KCNMA1: variants seen among roughly 807,000 people sequenced by gnomAD.
KCNMA1 encodes potassium calcium-activated channel subfamily M alpha 1.
In KCNMA1, 29 loss-of-function variants were observed where a neutral mutation model predicts 140.0. The ratio of observed to expected loss-of-function variants is 0.21; its 90% CI spans 0.15 to 0.28. The LOEUF is 0.28. Ranked by LOEUF, KCNMA1 falls within the 10% of genes least tolerant of loss-of-function variation. The probability of loss-of-function intolerance (pLI) is 1.00; values close to 1 mark genes in which losing one functional copy is unlikely to be tolerated. For missense variants in KCNMA1, 880 were observed against 1,602.2 expected, an observed-to-expected ratio of 0.55 and a Z score of 7.70; for synonymous variants, 612 against 611.9, an observed-to-expected ratio of 1.00 and a Z score of 0.00.
At chr10:77,312,814 G>A (rs1284662906) in intron 2 of KCNMA1, among the ~76,000 whole-genome samples, 1 of 152,134 alleles carries the variant, frequency 6.6e-6, no homozygotes, top group Non-Finnish European at 1.5e-5. Flanking sequence ...TGGTGGGGGT[G>A]TACTTGTTTC....
intron 1 of KCNMA1, chr10:77,634,250 T>C: frequency 3.0e-6 from 3 of 985,318 alleles, no homozygotes; most frequent in Non-Finnish European, 3.6e-6. Flanking sequence ...AAAAAAACAA[T>C]AATGTGAAAA....
intron 1 of KCNMA1, among the ~76,000 whole-genome samples, chr10:77,611,787 T>A (rs562640605): frequency 1.8e-4 from 27 of 152,196 alleles, no homozygotes; most frequent in African/African-American, 6.0e-4. Context: ...CCTTGCTGTG[T>A]GCAAAATCAG....
chr10:77,245,371 G>A (rs926773535), intron 3 of KCNMA1, among the ~76,000 whole-genome samples: 21 of 152,116 alleles, frequency 1.4e-4, no homozygotes, highest in African/African-American at 3.9e-4. Context: ...TTTAAAATGC[G>A]CTGTCATGAA....
At chr10:77,442,988 G>A (rs1263632354) in intron 1 of KCNMA1, among the ~76,000 whole-genome samples, 3 of 152,216 alleles carry the variant, frequency 2.0e-5, no homozygotes, top group Non-Finnish European at 2.9e-5. Context: ...GTGTGGGGGA[G>A]AGCCCTCCTT....
At chr10:77,561,058 C>CTT (rs3997896) in intron 1 of KCNMA1, among the ~76,000 whole-genome samples, 3,556 of 149,622 alleles carry the variant, frequency 0.024, 108 homozygotes, top group African/African-American at 0.067. Context: ...TATGGAAACA[C>CTT]TTTTTTTTTT....
intron 5 of KCNMA1, among the ~76,000 whole-genome samples, chr10:77,149,678 C>T (rs914896699): frequency 7.9e-5 from 12 of 152,328 alleles, no homozygotes; most frequent in African/African-American, 2.6e-4. Flanking sequence ...CGTCTCCAAT[C>T]TCAGCCTGCA....
Position 77,637,586 on chromosome 10 carries a change from TCCGCCGCCGCCG to T in KCNMA1, c.45_56del (p.Gly17_Gly20del). 1.3e-6 allele frequency: 2 copies of T among 1,524,854 alleles called. No homozygotes were observed. Among genetic ancestry groups the T allele is most frequent in the Non-Finnish European group, 1.8e-6 (2 of 1,138,772 alleles). The allele number at this position is 1,524,854 out of a possible 1,614,324, so 94.5% of individuals were successfully genotyped here. ...TGCTACTCATTCTAAGACTGCTGCC[TCCGCCGCCGCCG>T]CCGCCGCCGCTGCTGCCGCCGCCGC... is the stretch of plus-strand genomic sequence containing the variant. On this transcript the variant is annotated inframe_deletion, in exon 1 of 28. Coordinates refer to ENST00000286628, the MANE Select transcript of KCNMA1 (RefSeq NM_001161352.2).
chr10:76,974,158 A>G (rs2076844792), intron 19 of KCNMA1: 2 of 229,230 alleles, frequency 8.7e-6, no homozygotes, highest in East Asian at 2.1e-4. Flanking sequence ...GTACACACTT[A>G]GCAGGTCATT....
intron 1 of KCNMA1, among the ~76,000 whole-genome samples, chr10:77,514,855 C>T (rs1012295218): frequency 6.6e-6 from 1 of 152,128 alleles, no homozygotes; most frequent in African/African-American, 2.4e-5. Flanking sequence ...TCACTCACGT[C>T]TAGACACCAT....
intron 3 of KCNMA1, among the ~76,000 whole-genome samples, chr10:77,199,628 G>A (rs1457898953): frequency 6.6e-6 from 1 of 152,190 alleles, no homozygotes; most frequent in African/African-American, 2.4e-5. Flanking sequence ...TAAGTAAGAA[G>A]CAAAGGACTC....
chr10:77,018,194 C>T (rs2092403700), intron 17 of KCNMA1, among the ~76,000 whole-genome samples: 1 of 152,132 alleles, frequency 6.6e-6, no homozygotes, highest in Non-Finnish European at 1.5e-5. Flanking sequence ...CTGGCTTTGA[C>T]TAGGAACTCA....
intron 20 of KCNMA1, among the ~76,000 whole-genome samples, chr10:76,958,008 T>C (rs1296528594): frequency 2.0e-5 from 3 of 152,192 alleles, no homozygotes; most frequent in Admixed American, 2.0e-4. Context: ...GTGGAGAGTG[T>C]ACAGTCAGTT....
rs77210250 is a variant in KCNMA1 at position 77,457,883 on chromosome 10, A to G, written c.379-53860T>C. On this transcript the variant is annotated intron_variant, in intron 1 of 27. Coordinates refer to ENST00000286628, the MANE Select transcript of KCNMA1 (RefSeq NM_001161352.2). ...TGGTTCCATTCCAGGAAAAAAAGTT[A>G]TATAGGAAAAGCCTCACAATCGCAA... Among the ~76,000 whole-genome samples, 525 of 152,160 alleles carry G rather than the reference A, an allele frequency of 3.5e-3. 10 individuals carry two copies. The East Asian group carries it at 0.051, about 15-fold the overall frequency.
intron 1 of KCNMA1, chr10:77,635,747 A>G (rs1353535401): frequency 1.3e-5 from 2 of 152,352 alleles, no homozygotes; most frequent in African/African-American, 4.8e-5. Flanking sequence ...CTCTCCGACC[A>G]GCACCTGCAG....
intron 20 of KCNMA1, among the ~76,000 whole-genome samples, chr10:76,966,752 G>A (rs978946803): frequency 4.6e-5 from 7 of 152,124 alleles, no homozygotes; most frequent in East Asian, 1.9e-4. Flanking sequence ...AGAGAGAGCC[G>A]GGGACTTGGA....
chr10:77,387,607 C>CTTTTT (rs1555271431), intron 2 of KCNMA1, among the ~76,000 whole-genome samples: 42 of 114,196 alleles, frequency 3.7e-4, no homozygotes, highest in South Asian at 1.3e-3. Flanking sequence ...CTTTTCTTTT[C>CTTTTT]TTTCTTTTCT....
downstream of KCNMA1, chr10:76,873,784 G>A (rs548381992): frequency 6.6e-6 from 1 of 152,072 alleles, no homozygotes; most frequent in African/African-American, 2.4e-5. Context: ...CCTTCAATGA[G>A]ATTCTCTTTC....
intron 20 of KCNMA1, among the ~76,000 whole-genome samples, chr10:76,968,357 A>G (rs377216391): frequency 1.2e-3 from 176 of 152,350 alleles, no homozygotes; most frequent in African/African-American, 4.1e-3. Context: ...ACAGCTTTGA[A>G]GCATATGAAA....
rs550044265 is a variant in KCNMA1 at position 77,066,789 on chromosome 10, C to T, written c.1749+6308G>A. 3.3e-5 allele frequency among the ~76,000 whole-genome samples: 5 copies of T among 152,282 alleles called. No individual in the cohort carries two copies. The South Asian group carries it at 1.0e-3, about 32-fold the overall frequency. On this transcript the variant is annotated intron_variant, in intron 14 of 27. Transcript: ENST00000286628. ...AGAGTAAGCAACATCTTGCATCTCC[C>T]TATCTAATTTCCACCATGTGGGTTT...
Sources: allele counts gnomAD v4.1 joint callset (sites outside exome capture counted in the v4.1 genomes callset), GRCh38; gene constraint gnomAD v4.1.1; transcripts MANE v1.5; gene names NCBI Gene and HGNC (gene_info 2026-07-23, HGNC 2026-07-21).